The following CASQ2 variants were observed in gnomAD, a reference collection of about 807,000 sequenced individuals.
CASQ2 encodes calsequestrin-2.
Under a neutral mutation model 46.5 loss-of-function variants are expected in CASQ2, and 49 were observed. The ratio of observed to expected loss-of-function variants is 1.05; its 90% CI spans 0.84 to 1.34. CASQ2 has a LOEUF of 1.34. CASQ2 is among the 40% of genes most tolerant of loss of function. The pLI is 0.00. For missense variants in CASQ2, 486 were observed against 481.3 expected, an observed-to-expected ratio of 1.01 and a Z score of -0.09; for synonymous variants, 174 against 168.5, an observed-to-expected ratio of 1.03 and a Z score of -0.25.
At chr1:115,733,080 G>T (rs1647843732) in intron 4 of CASQ2, 106 bp from the exon 5 acceptor site, 1 of 744,918 alleles carries the variant, frequency 1.3e-6, no homozygotes, top group Non-Finnish European at 2.3e-6. Flanking sequence ...ATCCTGATTG[G>T]ATAATAATTT....
chr1:115,707,101 C>T (rs1489537020), intron 8 of CASQ2, among the ~76,000 whole-genome samples: 6 of 151,636 alleles, frequency 4.0e-5, no homozygotes, highest in African/African-American at 1.2e-4. Flanking sequence ...ACAGCAGCCT[C>T]GACCTCCCAG....
chr1:115,745,016 C>T (rs1648335335), intron 1 of CASQ2, 104 bp from the exon 2 acceptor site: 1 of 803,072 alleles, frequency 1.2e-6, no homozygotes, highest in Non-Finnish European at 2.2e-6. Context: ...TTCCTCTATA[C>T]TTGCTGTTAC....
At position 115,732,386 on chromosome 1, in the gene CASQ2, G is replaced by A. The variant is rs1038418743; in HGVS notation, c.606+515C>T. On this transcript the variant is annotated intron_variant, in intron 5 of 10. Transcript: ENST00000261448. ...TGAAGACTGGGCCATGTCTACAGAAGTGGTTCATCATATACATGAACTGAA... is the reference window on the plus strand; with the variant it reads ...TGAAGACTGGGCCATGTCTACAGAAATGGTTCATCATATACATGAACTGAA... Among the ~76,000 whole-genome samples, 6 of 152,300 alleles carry A rather than the reference G, an allele frequency of 3.9e-5. No individual in the cohort carries two copies. In the East Asian group the frequency reaches 5.8e-4, roughly 15 times the overall value.
chr1:115,755,421 T>C (rs981432206), intron 1 of CASQ2, among the ~76,000 whole-genome samples: 5 of 152,172 alleles, frequency 3.3e-5, no homozygotes, highest in Non-Finnish European at 7.4e-5. Flanking sequence ...CTTTTTAAAC[T>C]AACCTTCAGT....
intron 8 of CASQ2, among the ~76,000 whole-genome samples, chr1:115,716,543 GCA>G (rs1332756092): frequency 6.6e-6 from 1 of 152,002 alleles, no homozygotes; most frequent in Non-Finnish European, 1.5e-5. Flanking sequence ...GTTCACACGT[GCA>G]CACACACACA....
chr1:115,706,015 T>C (rs946196857), intron 8 of CASQ2, among the ~76,000 whole-genome samples: 4 of 152,160 alleles, frequency 2.6e-5, no homozygotes, highest in Non-Finnish European at 4.4e-5. Context: ...ACAAAAATTT[T>C]AGGAGAACGT....
At chr1:115,765,632 A>G (rs1392172720) in intron 1 of CASQ2, among the ~76,000 whole-genome samples, 1 of 152,136 alleles carries the variant, frequency 6.6e-6, no homozygotes, top group Non-Finnish European at 1.5e-5. Context: ...TAATAAGTAT[A>G]GTTCATATGA....
chr1:115,743,358 C>T (rs1451631693), intron 2 of CASQ2, among the ~76,000 whole-genome samples: 5 of 152,204 alleles, frequency 3.3e-5, no homozygotes, highest in African/African-American at 1.2e-4. Context: ...ATTCTCTCAT[C>T]CCAGCCTCCC....
At chr1:115,732,452 A>G (rs372386603) in intron 5 of CASQ2, among the ~76,000 whole-genome samples, 2 of 152,300 alleles carry the variant, frequency 1.3e-5, no homozygotes, top group African/African-American at 4.8e-5. Flanking sequence ...GCTTCAGCTC[A>G]CTGACTTCCT....
At chr1:115,761,818 C>G (rs1437110599) in intron 1 of CASQ2, among the ~76,000 whole-genome samples, 3 of 151,604 alleles carry the variant, frequency 2.0e-5, no homozygotes, top group African/African-American at 7.3e-5. Context: ...TCCCTCTCCG[C>G]TACAGGGCTT....
chr1:115,744,141 CA>C (rs71683766), intron 2 of CASQ2, among the ~76,000 whole-genome samples: 75 of 129,218 alleles, frequency 5.8e-4, no homozygotes, highest in East Asian at 4.1e-3. Context: ...GAACCTGTCT[CA>C]AAAAAAAAAA....
At chr1:115,717,713 AG>A in intron 8 of CASQ2, 126 bp downstream of exon 8, 1 of 790,602 alleles carries the variant, frequency 1.3e-6, no homozygotes, top group Non-Finnish European at 2.3e-6. Flanking sequence ...GGCGACCACC[AG>A]GGGGTGCCCA....
intron 7 of CASQ2, among the ~76,000 whole-genome samples, chr1:115,724,217 G>C (rs1012961348): frequency 6.6e-6 from 1 of 152,186 alleles, no homozygotes; most frequent in Non-Finnish European, 1.5e-5. Flanking sequence ...AGAACTAATG[G>C]TTTTTAGTTA....
intron 1 of CASQ2, among the ~76,000 whole-genome samples, chr1:115,766,539 A>C (rs1649137195): frequency 6.6e-6 from 1 of 152,230 alleles, no homozygotes; most frequent in Admixed American, 6.5e-5. Flanking sequence ...TATAGATAAG[A>C]AAATGAAGCT....
At chr1:115,735,916 T>C (rs755996736) in intron 4 of CASQ2, among the ~76,000 whole-genome samples, 88 of 151,946 alleles carry the variant, frequency 5.8e-4, no homozygotes, top group Non-Finnish European at 1.1e-3. Context: ...AATCCCAGCA[T>C]TTTGGGAGGC....
chr1:115,757,826 A>G (rs1433110280), intron 1 of CASQ2, among the ~76,000 whole-genome samples: 1 of 152,238 alleles, frequency 6.6e-6, no homozygotes, highest in Non-Finnish European at 1.5e-5. Context: ...ACTTTAAAAA[A>G]TTTAACTCAA....
intron 6 of CASQ2, 40 bp downstream of exon 6, chr1:115,726,952 A>ACCCCCC: frequency 8.7e-5 from 53 of 609,318 alleles, no homozygotes; most frequent in Non-Finnish European, 1.3e-4. Flanking sequence ...TCCATTCCCC[A>ACCCCCC]GACCCCAGGC....
intron 2 of CASQ2, among the ~76,000 whole-genome samples, chr1:115,741,090 G>A (rs968162494): frequency 6.6e-6 from 1 of 152,204 alleles, no homozygotes; most frequent in Non-Finnish European, 1.5e-5. Flanking sequence ...CACTGCTTTA[G>A]TTTTCCAAAA....
intron 1 of CASQ2, among the ~76,000 whole-genome samples, chr1:115,761,482 AAGAAGGAGAAGAAGG>A (rs1557806804): frequency 0.011 from 198 of 18,532 alleles, 2 homozygotes; most frequent in South Asian, 0.02. Context: ...GAAGAAGAAG[AAGAAGGAGAAGAAGG>A]AGAAGAAGAA....
Sources: allele counts gnomAD v4.1 joint callset (sites outside exome capture counted in the v4.1 genomes callset), GRCh38; gene constraint gnomAD v4.1.1; transcripts MANE v1.5; gene names NCBI Gene and HGNC (gene_info 2026-07-23, HGNC 2026-07-21).